Variants in TAOK2 observed in about 807,000 individuals in gnomAD.
TAOK2 encodes the protein TAO kinase 2, also known as serine/threonine-protein kinase TAO2.
TAOK2 carries 42 observed loss-of-function variants against 122.5 expected under a neutral mutation model. The ratio of observed to expected loss-of-function variants is 0.34; its 90% CI spans 0.27 to 0.44. TAOK2 has a LOEUF of 0.44. TAOK2 is among the 20% of genes least tolerant of loss of function. The pLI is 1.00. For synonymous variants in TAOK2, 704 were observed against 677.6 expected (o/e 1.04, Z -0.61); for missense variants, 1,264 against 1,644.9 (o/e 0.77, Z 4.01).
chr16:29,990,541 A>G, downstream of TAOK2: 1 of 353,040 alleles, frequency 2.8e-6, no homozygotes, highest in East Asian at 4.4e-5. Context: ...GTGGACATTT[A>G]GGTTGTTTCC....
downstream of TAOK2, chr16:29,989,451 T>C: frequency 1.4e-6 from 2 of 1,477,068 alleles, no homozygotes; most frequent in Non-Finnish European, 1.8e-6. Flanking sequence ...TTTCTCTCCC[T>C]CTCCCTGTCT....
chr16:29,989,005 C>T, downstream of TAOK2: 1 of 985,402 alleles, frequency 1.0e-6, no homozygotes, highest in Non-Finnish European at 1.2e-6. Flanking sequence ...AATGGGGCAG[C>T]CCCTTCTTAC....
chr16:29,990,742 TG>T (rs1354421340), downstream of TAOK2: 2 of 1,553,402 alleles, frequency 1.3e-6, no homozygotes, highest in African/African-American at 2.7e-5. Context: ...ATAGTGGGGG[TG>T]GGGGAGGAGA....
downstream of TAOK2, chr16:29,990,690 T>C: frequency 1.5e-6 from 2 of 1,301,520 alleles, no homozygotes; most frequent in Middle Eastern, 2.1e-4. Flanking sequence ...GACCGCTGCT[T>C]CTTGAAACCT....
At position 29,985,663 on chromosome 16, in the gene TAOK2, C is replaced by T. The variant is rs746642885; in HGVS notation, c.1794C>T (p.Leu598=). ...TTCCCTCTGCACTCGCCCAGGAGCT[C>T]CAGGAGAACCCCAGCACTCCCAAGC... is the stretch of plus-strand genomic sequence containing the variant. ...KLRKEQLKEE[L]QENPSTPKRE... Residue 598 remains leucine, a synonymous_variant, in exon 15 of 16, where the codon CTC becomes CTT. Transcript: ENST00000308893. The surrounding 1 kb of genome is among the most constrained non-coding windows in gnomAD (Gnocchi z 6.9). The T allele has an allele frequency of 1.2e-6, 2 of 1,610,052 alleles. No individual in the cohort carries two copies. Among genetic ancestry groups the T allele is most frequent in the Non-Finnish European group, 8.5e-7 (1 of 1,178,378 alleles).
chr16:29,988,056 T>C lies in TAOK2; in HGVS notation c.*76T>C. 1 of 1,457,550 alleles carries C rather than the reference T, an allele frequency of 6.9e-7. No individual in the cohort carries two copies. The highest frequency in any genetic ancestry group is 1.4e-5 in the South Asian group (1 of 69,900). The allele number at this position is 1,457,550 out of a possible 1,614,324, so 90.3% of individuals were successfully genotyped here. Reference sequence around the variant, plus strand: ...CCACGACTCAGTGAAGTTTCTCCAGTCCCTAGTCCTCTCTTTTCACCCACC... The same window carrying C: ...CCACGACTCAGTGAAGTTTCTCCAGCCCCTAGTCCTCTCTTTTCACCCACC... On this transcript the variant is annotated 3_prime_UTR_variant, in exon 16 of 16. Transcript: ENST00000308893.
chr16:29,984,429 G>A (rs1003826728), intron 13 of TAOK2, among the ~76,000 whole-genome samples: 2 of 152,168 alleles, frequency 1.3e-5, no homozygotes, highest in African/African-American at 2.4e-5. Flanking sequence ...TTTAGATCAC[G>A]TTCCTGCTGA....
At position 29,982,891 on chromosome 16, in the gene TAOK2, A is replaced by C. The variant is rs1288155236; in HGVS notation, c.989A>C (p.Glu330Ala). Residue 330 changes from glutamate (E) to alanine (A), a missense_variant, in exon 11 of 16, where the codon GAG (glutamate) becomes GCG (alanine). Coordinates refer to ENST00000308893, the MANE Select transcript of TAOK2 (RefSeq NM_016151.4). ...AACGGCCCTGGTGCCGAGGCCCCAG[A>C]GGAGGAAGAGGTGACCCAGCTTGCC... Reference protein sequence around the residue: ...APNGPGAEAPEEEEEAEPYMH... With the variant: ...APNGPGAEAPAEEEEAEPYMH... The C allele has an allele frequency of 6.2e-7, 1 of 1,613,780 alleles. No homozygotes were observed.
downstream of TAOK2, chr16:29,989,810 G>A: frequency 6.2e-7 from 1 of 1,612,888 alleles, no homozygotes; most frequent in Non-Finnish European, 8.5e-7. Flanking sequence ...CAGGCGGTGA[G>A]GCCTGGGGTC....
At chr16:29,991,732 G>T (rs547841078), downstream of TAOK2, 2 of 942,592 alleles carry the variant, frequency 2.1e-6, no homozygotes, top group East Asian at 3.3e-5. The surrounding 1 kb of genome is among the most constrained non-coding windows in gnomAD (Gnocchi z 5.6). Context: ...CTGGCCAGTG[G>T]CCCAGGGCCA....
rs1247745806 is a variant in TAOK2, at chr16:29,983,294, A to G, written c.1222A>G (p.Thr408Ala). The G allele has an allele frequency of 6.2e-7, 1 of 1,603,286 alleles. No individual in the cohort carries two copies. Among genetic ancestry groups the G allele is most frequent in the South Asian group, 1.1e-5 (1 of 91,026 alleles). ...GGCCATGATGCAGGAGGGGGAGCAC[A>G]CAGTCACCTCTCACAGCTCCATTAT... ...EMAMMQEGEH[T>A]VTSHSSIIHR... The change falls in exon 12 of 16, where the codon ACA becomes GCA. Residue 408 changes from threonine (T) to alanine (A), a missense_variant. Coordinates refer to ENST00000308893, the MANE Select transcript of TAOK2 (RefSeq NM_016151.4).
downstream of TAOK2, chr16:29,991,090 G>T (rs1285651838): frequency 6.3e-7 from 1 of 1,589,926 alleles, no homozygotes; most frequent in East Asian, 2.2e-5. This position sits in a 1 kb window ranked among gnomAD's most constrained non-coding sequence, Gnocchi z 5.6. Flanking sequence ...CGCTCCGAGC[G>T]AATCCGCAGT....
At position 29,974,435 on chromosome 16, in the gene TAOK2, C is replaced by G. The variant is rs1341009143; in HGVS notation, c.-249C>G. ...TCCGGAATTCGGCAGCTGTCGCCCT[C>G]GACGAGGGGGAGGACTGGACCGCGA... On this transcript the variant is annotated 5_prime_UTR_variant, in exon 1 of 16. Transcript: ENST00000308893. 1.3e-5 allele frequency: 2 copies of G among 152,580 alleles called. No homozygotes were observed. Among genetic ancestry groups the G allele is most frequent in the Non-Finnish European group, 2.9e-5 (2 of 68,030 alleles). 9.5% of individuals were successfully genotyped at this position (152,580 alleles called of 1,614,324 possible).
At chr16:29,974,850 G>A (rs1324045879) in intron 1 of TAOK2, among the ~76,000 whole-genome samples, 5 of 152,066 alleles carry the variant, frequency 3.3e-5, no homozygotes, top group East Asian at 1.9e-4. Flanking sequence ...GGTTGGTGGG[G>A]GACCTCAGGT....
rs1035564939 is a variant in TAOK2, at chr16:29,979,107, C to G, written c.449+37C>G. 6.2e-7 allele frequency: 1 copy of G among 1,612,744 alleles called. No homozygotes were observed. On this transcript the variant is annotated intron_variant, in intron 6 of 15. Coordinates refer to ENST00000308893, the MANE Select transcript of TAOK2 (RefSeq NM_016151.4). This position sits in a 1 kb window ranked among gnomAD's most constrained non-coding sequence, Gnocchi z 4.1. ...ACCGGCAGTGCCTGGGAGGGGAGTG[C>G]TATCTGCACCACCTGTCACTTAGCT... is the stretch of plus-strand genomic sequence containing the variant.
Position 29,982,870 on chromosome 16 carries a change from G to A in TAOK2, c.968G>A (p.Gly323Asp). Residue 323 changes from glycine to aspartate, a missense_variant, in exon 11 of 16, where the codon GGC (glycine) becomes GAC (aspartate). Transcript: ENST00000308893. ...KKILFQEAPN[G>D]PGAEAPEEEE... is the part of the protein sequence containing the mutation. The stretch of plus-strand genomic sequence containing the variant: ...ATCCTGTTCCAAGAGGCACCCAACG[G>A]CCCTGGTGCCGAGGCCCCAGAGGAG... 1 of 1,614,040 alleles carries A rather than the reference G, an allele frequency of 6.2e-7. No homozygotes were observed. The highest frequency in any genetic ancestry group is 8.5e-7 in the Non-Finnish European group (1 of 1,179,970).
rs182928477 is a variant in TAOK2 at position 29,985,898 on chromosome 16, C to T, written c.1992+37C>T. On this transcript the variant is annotated intron_variant, in intron 15 of 15. Transcript: ENST00000308893. The surrounding 1 kb of genome is among the most constrained non-coding windows in gnomAD (Gnocchi z 6.9). ...AATCTCTGTTCCCCTCCCGCTCACT[C>T]GTGGATCCCAGGGACCCACCCTTTT... is the stretch of plus-strand genomic sequence containing the variant. 2,936 of 1,595,650 alleles carry T rather than the reference C, an allele frequency of 1.8e-3. 3 individuals carry two copies. The highest frequency in any genetic ancestry group is 2.3e-3 in the Non-Finnish European group (2,687 of 1,170,226).
intron 5 of TAOK2, 36 bp from the exon 6 acceptor site, chr16:29,978,938 C>G (rs766338401): frequency 6.2e-7 from 1 of 1,613,084 alleles, no homozygotes; most frequent in African/African-American, 1.3e-5. Flanking sequence ...CCCACCCTTG[C>G]GCTCCCTCGG....
At chr16:29,977,697 C>G in intron 1 of TAOK2, 41 bp from the exon 2 acceptor site, 1 of 1,563,564 alleles carries the variant, frequency 6.4e-7, no homozygotes, top group Non-Finnish European at 8.6e-7. Flanking sequence ...TCCCTGAAGG[C>G]TCAATCCTTG....
Sources: gnomAD v4.1 joint callset for allele counts (sites outside exome capture counted in the v4.1 genomes callset) on GRCh38, gnomAD v4.1.1 for gene constraint, Gnocchi (gnomAD v3.1) non-coding constraint, MANE v1.5 for transcripts, NCBI Gene and HGNC (gene_info 2026-07-23, HGNC 2026-07-21) for gene names.